LIMK1: variants seen among roughly 807,000 people sequenced by gnomAD.
LIMK1 encodes the protein LIM domain kinase 1, also known as LIM motif-containing protein kinase.
LIMK1 carries 21 observed loss-of-function variants against 77.6 expected under a neutral mutation model. The ratio of observed to expected loss-of-function variants is 0.27; its 90% CI spans 0.19 to 0.39. LIMK1 has a LOEUF of 0.39. Among genes scored for constraint, LIMK1 ranks in the 10% least tolerant of loss-of-function variants. The pLI, the probability that LIMK1 is intolerant of heterozygous loss-of-function variation, is 1.00. For missense variants in LIMK1, 696 were observed against 901.6 expected (o/e 0.77, Z 2.92); for synonymous variants, 358 against 370.0 (o/e 0.97, Z 0.37).
intron 6 of LIMK1, 28 bp downstream of exon 6, chr7:74,106,008 C>G: frequency 1.2e-6 from 2 of 1,612,284 alleles, no homozygotes; most frequent in Non-Finnish European, 1.7e-6. Context: ...TGGGGCAGGA[C>G]GGGAGGTAGT....
At chr7:74,084,223 C>T (rs1030146787) in intron 1 of LIMK1, among the ~76,000 whole-genome samples, 178 bp downstream of exon 1, 1 of 151,926 alleles carries the variant, frequency 6.6e-6, no homozygotes, top group African/African-American at 2.4e-5. Context: ...TCCCCCTCCC[C>T]GGCCCCCGGC....
In LIMK1 at chr7:74,115,924, C is replaced by T; in HGVS notation, c.1533C>T (p.Gly511=). The part of the protein sequence containing the change: ...PDRKKRYTVV[G]NPYWMAPEMI... Reference sequence around the variant, plus strand: ...GCAAGAAGCGCTACACCGTGGTGGGCAACCCCTACTGGATGGCACCTGAGA... The same window carrying T: ...GCAAGAAGCGCTACACCGTGGTGGGTAACCCCTACTGGATGGCACCTGAGA... Residue 511 remains glycine, a synonymous_variant, in exon 13 of 16, where the codon GGC becomes GGT. Transcript: ENST00000336180. The T allele has an allele frequency of 6.2e-7, 1 of 1,614,178 alleles. No homozygotes were observed. Among genetic ancestry groups the T allele is most frequent in the South Asian group, 1.1e-5 (1 of 91,088 alleles).
Position 74,097,072 on chromosome 7 carries a change from C to G in LIMK1, c.292-8C>G, listed in dbSNP as rs116341069. 3,036 of 1,600,782 alleles carry G rather than the reference C, an allele frequency of 1.9e-3. 66 individuals are homozygous for G. In the African/African-American group the frequency reaches 0.038, roughly 20 times the overall value. Reference sequence around the variant, plus strand: ...AGCTGGGCTGTTCCCTCCTCACCCCCGCACCAGGTGGCTGGGGAGCTGAAG... The same window carrying G: ...AGCTGGGCTGTTCCCTCCTCACCCCGGCACCAGGTGGCTGGGGAGCTGAAG... On this transcript the variant is annotated splice_region_variant and splice_polypyrimidine_tract_variant and intron_variant, in intron 3 of 15. Coordinates refer to ENST00000336180, the MANE Select transcript of LIMK1 (RefSeq NM_002314.4).
intron 2 of LIMK1, among the ~76,000 whole-genome samples, chr7:74,086,048 A>G (rs1366999240): frequency 1.3e-5 from 2 of 151,118 alleles, no homozygotes; most frequent in Admixed American, 6.6e-5. Flanking sequence ...TTATTTATCT[A>G]TTTTTTTTTC....
intron 13 of LIMK1, among the ~76,000 whole-genome samples, chr7:74,118,729 C>T (rs775377234): frequency 6.6e-6 from 1 of 151,792 alleles, no homozygotes; most frequent in Non-Finnish European, 1.5e-5. Flanking sequence ...TTGCAGTGGG[C>T]GACAGAGCAA....
intron 2 of LIMK1, chr7:74,092,957 T>G: frequency 2.1e-6 from 1 of 468,828 alleles, no homozygotes; most frequent in Non-Finnish European, 3.7e-6. Flanking sequence ...TGTTCAGGAC[T>G]GAGGGCCAGG....
Position 74,084,050 on chromosome 7 carries a change from G to T in LIMK1, c.55+5G>T. 1 of 1,483,116 alleles carries T rather than the reference G, an allele frequency of 6.7e-7. No individual in the cohort carries two copies. 91.9% of individuals were successfully genotyped at this position (1,483,116 alleles called of 1,614,324 possible). ...AAGAACGTATGGGAGAGGAAGGTGC[G>T]CGGGCCGCGGGGTGTGGGGCGAGGG... is the stretch of plus-strand genomic sequence containing the variant. On this transcript the variant is annotated splice_donor_5th_base_variant and intron_variant, in intron 1 of 15. Coordinates refer to ENST00000336180, the MANE Select transcript of LIMK1 (RefSeq NM_002314.4).
rs1799796807 is a variant in LIMK1, at chr7:74,115,832, C to T, written c.1441C>T (p.Leu481=). 5 of 1,614,018 alleles carry T rather than the reference C, an allele frequency of 3.1e-6. No homozygotes were observed. The highest frequency in any genetic ancestry group is 3.3e-5 in the Admixed American group (2 of 59,982). ...NKNVVVADFG[L]ARLMVDEKTQ... is the part of the protein sequence containing the mutation. ...GAATGTGGTGGTGGCTGACTTCGGGCTGGCGCGTCTCATGGTGGACGAGAA... is the reference window on the plus strand; with the variant it reads ...GAATGTGGTGGTGGCTGACTTCGGGTTGGCGCGTCTCATGGTGGACGAGAA... The change falls in exon 13 of 16, where the codon CTG becomes TTG. Residue 481 remains leucine (L), a synonymous_variant. Coordinates refer to ENST00000336180, the MANE Select transcript of LIMK1 (RefSeq NM_002314.4).
chr7:74,096,549 T>C lies in LIMK1; in HGVS notation c.153-73T>C, dbSNP rs1418112519. The stretch of plus-strand genomic sequence containing the variant: ...GTTCTAATTCTTACAAAGGTGCCTG[T>C]AGCCGAGGCAGGGGCCCAGGTGAGG... On this transcript the variant is annotated intron_variant, in intron 2 of 15. Coordinates refer to ENST00000336180, the MANE Select transcript of LIMK1 (RefSeq NM_002314.4). 6.3e-6 allele frequency: 10 copies of C among 1,582,000 alleles called. No homozygotes were observed. In the African/African-American group the frequency reaches 1.1e-4, roughly 17 times the overall value.
At chr7:74,094,906 G>T (rs1472774470) in intron 2 of LIMK1, among the ~76,000 whole-genome samples, 4 of 152,048 alleles carry the variant, frequency 2.6e-5, no homozygotes, top group African/African-American at 9.7e-5. Context: ...CTTCCTGGAT[G>T]CACCCCTCAC....
chr7:74,098,920 A>T, intron 4 of LIMK1, 112 bp from the exon 5 acceptor site: 1 of 874,078 alleles, frequency 1.1e-6, no homozygotes, highest in Non-Finnish European at 1.8e-6. Flanking sequence ...CTCAAAAAAA[A>T]AAAAAAAAAA....
At chr7:74,104,231 C>G (rs542026906) in intron 5 of LIMK1, among the ~76,000 whole-genome samples, 1 of 152,186 alleles carries the variant, frequency 6.6e-6, no homozygotes, top group East Asian at 1.9e-4. Context: ...CACACCTGGC[C>G]CTGTTTTTCT....
At chr7:74,111,823 C>G in intron 11 of LIMK1, 110 bp from the exon 12 acceptor site, 1 of 1,433,126 alleles carries the variant, frequency 7.0e-7, no homozygotes, top group Non-Finnish European at 9.8e-7. Flanking sequence ...TGGGAAGAAT[C>G]GTCCCGACTG....
At chr7:74,105,000 G>C (rs908489678) in intron 5 of LIMK1, among the ~76,000 whole-genome samples, 5 of 152,180 alleles carry the variant, frequency 3.3e-5, no homozygotes, top group Admixed American at 6.5e-5. Context: ...TGTCCACCCA[G>C]GCTGGAGTGC....
rs1554695664 is a variant in LIMK1, at chr7:74,096,705, G to A, written c.236G>A (p.Arg79His). The part of the protein sequence containing the change: ...QLFCKKDYWA[R>H]YGESCHGCSE... ...TTCTGCAAGAAGGACTACTGGGCCC[G>A]CTATGGCGAGTCCTGCCATGGGTGC... is the stretch of plus-strand genomic sequence containing the variant. The change falls in exon 3 of 16, where the codon CGC (arginine) becomes CAC (histidine). Residue 79 changes from arginine (R) to histidine (H), a missense_variant. Arg to His is a conservative substitution (Grantham distance 29, BLOSUM62 0). This residue lies in a region of LIMK1 where 252 missense variants were observed against 279.4 expected (regional missense o/e 0.90). Transcript: ENST00000336180. The A allele has an allele frequency of 3.1e-6, 5 of 1,613,848 alleles. No homozygotes were observed. The highest frequency in any genetic ancestry group is 1.6e-4 in the Middle Eastern group (1 of 6,062).
chr7:74,085,382 G>GA (rs1799116222), intron 1 of LIMK1, among the ~76,000 whole-genome samples: 1 of 152,220 alleles, frequency 6.6e-6, no homozygotes, highest in South Asian at 2.1e-4. Flanking sequence ...GGAGAGGGAA[G>GA]AAAGGAGGCT....
Position 74,121,589 on chromosome 7 carries a change from T to G in LIMK1, c.*288T>G, listed in dbSNP as rs1041355229. On this transcript the variant is annotated 3_prime_UTR_variant, in exon 16 of 16. Coordinates refer to ENST00000336180, the MANE Select transcript of LIMK1 (RefSeq NM_002314.4). ...CTCCTTGCATGAGCTGGAGGGCCTG[T>G]GTGAGTTACGCCCCTTTCCACACGC... 1.9e-5 allele frequency: 8 copies of G among 429,050 alleles called. No individual in the cohort carries two copies. In the South Asian group the frequency reaches 3.5e-4, roughly 19 times the overall value. The allele number at this position is 429,050 out of a possible 1,614,324, so 26.6% of individuals were successfully genotyped here.
chr7:74,110,051 T>G (rs781886051), intron 10 of LIMK1: 8 of 152,048 alleles, frequency 5.3e-5, no homozygotes, highest in Non-Finnish European at 1.2e-4. Flanking sequence ...AGGTGCAATT[T>G]AGAAACTCTG....
chr7:74,093,348 C>T, intron 2 of LIMK1: 3 of 1,534,890 alleles, frequency 2.0e-6, no homozygotes, highest in South Asian at 1.2e-5. Context: ...AGGCAGGGCC[C>T]CTGGTGTAAG....
Sources: allele counts gnomAD v4.1 joint callset (sites outside exome capture counted in the v4.1 genomes callset), GRCh38; gene constraint gnomAD v4.1.1; regional missense constraint gnomAD v4.1.1; transcripts MANE v1.5; gene names NCBI Gene and HGNC (gene_info 2026-07-23, HGNC 2026-07-21).